MCC: variants seen among roughly 807,000 people sequenced by gnomAD.
MCC encodes colorectal mutant cancer protein.
A neutral mutation model predicts 116.2 loss-of-function variants in MCC; 90 were observed. The ratio of observed to expected loss-of-function variants is 0.77; its 90% CI spans 0.65 to 0.92. MCC has a LOEUF of 0.92. MCC is among the 40% of genes least tolerant of loss of function. The pLI, the probability that MCC is intolerant of heterozygous loss-of-function variation, is 0.00. For missense variants in MCC, 1,516 were observed against 1,312.2 expected (o/e 1.16, Z -2.40); for synonymous variants, 578 against 510.5 (o/e 1.13, Z -1.78).
intron 3 of MCC, among the ~76,000 whole-genome samples, chr5:113,293,270 C>T (rs1030703633): frequency 1.3e-5 from 2 of 152,034 alleles, no homozygotes; most frequent in African/African-American, 4.8e-5. Flanking sequence ...GGCTCCATCC[C>T]TGCATTTTTC....
intron 3 of MCC, among the ~76,000 whole-genome samples, chr5:113,203,608 G>A (rs1581248702): frequency 6.6e-6 from 1 of 152,054 alleles, no homozygotes; most frequent in African/African-American, 2.4e-5. Context: ...TGATTATTTC[G>A]CTTCCAAAGT....
chr5:113,229,079 T>G (rs972292489), intron 3 of MCC, among the ~76,000 whole-genome samples: 1 of 152,140 alleles, frequency 6.6e-6, no homozygotes, highest in African/African-American at 2.4e-5. Flanking sequence ...AGTATGGACT[T>G]AGAGGTCAGT....
At chr5:113,051,461 G>T (rs893915014) in intron 15 of MCC, among the ~76,000 whole-genome samples, 1 of 152,256 alleles carries the variant, frequency 6.6e-6, no homozygotes, top group African/African-American at 2.4e-5. Flanking sequence ...CCTCACATCT[G>T]TAATCCCAGC....
At chr5:113,053,294 G>A (rs145084862) in intron 15 of MCC, among the ~76,000 whole-genome samples, 3 of 152,218 alleles carry the variant, frequency 2.0e-5, no homozygotes, top group Admixed American at 2.0e-4. Flanking sequence ...AAAGGTACAG[G>A]GTGTCAGGAA....
At chr5:113,393,586 A>G (rs1237234501) in intron 1 of MCC, among the ~76,000 whole-genome samples, 1 of 152,192 alleles carries the variant, frequency 6.6e-6, no homozygotes, top group East Asian at 1.9e-4. Flanking sequence ...AGTTTTCTCA[A>G]CATCCTTCGA....
intron 3 of MCC, among the ~76,000 whole-genome samples, chr5:113,285,488 C>T (rs763883563): frequency 1.1e-4 from 16 of 152,028 alleles, no homozygotes; most frequent in Non-Finnish European, 1.9e-4. Context: ...TTTCTTGGAC[C>T]TCATCTCCTT....
intron 8 of MCC, among the ~76,000 whole-genome samples, chr5:113,097,379 T>A (rs1756090644): frequency 6.6e-6 from 1 of 152,222 alleles, no homozygotes; most frequent in African/African-American, 2.4e-5. Context: ...ATTAAAAACA[T>A]AAATTAGAAC....
intron 3 of MCC, among the ~76,000 whole-genome samples, chr5:113,240,211 G>C (rs1367573855): frequency 3.9e-5 from 6 of 152,186 alleles, no homozygotes; most frequent in East Asian, 1.9e-4. Flanking sequence ...CAGCAGAGTA[G>C]TTGGCCCGGT....
At chr5:113,465,259 C>T (rs1004367907) in intron 1 of MCC, among the ~76,000 whole-genome samples, 1 of 151,000 alleles carries the variant, frequency 6.6e-6, no homozygotes, top group East Asian at 1.9e-4. Context: ...GTTGTACACA[C>T]ATTAAATTAT....
Position 113,203,643 on chromosome 5 carries a change from A to ACATTCAAC in MCC, c.628-52229_628-52222dup, listed in dbSNP as rs1755182361. ...TTTGTGGCTTTAACAAAGCAAACCCACATTCAACCACTCAACCAGGCGCCG... is the reference window on the plus strand; with the variant it reads ...TTTGTGGCTTTAACAAAGCAAACCCACATTCAACCATTCAACCACTCAACCAGGCGCCG... On this transcript the variant is annotated intron_variant, in intron 3 of 18. Coordinates refer to ENST00000408903, the MANE Select transcript of MCC (RefSeq NM_001085377.2). Among the ~76,000 whole-genome samples the ACATTCAAC allele has an allele frequency of 4.6e-5, 7 of 152,332 alleles. No homozygotes were observed. The South Asian group carries it at 1.5e-3, about 32-fold the overall frequency.
intron 2 of MCC, among the ~76,000 whole-genome samples, chr5:113,344,266 T>C (rs1768081983): frequency 6.6e-6 from 1 of 152,152 alleles, no homozygotes; most frequent in Non-Finnish European, 1.5e-5. Flanking sequence ...GAATTGCCCA[T>C]CCCAGCAGTC....
intron 3 of MCC, among the ~76,000 whole-genome samples, chr5:113,222,928 G>A (rs994871803): frequency 7.9e-5 from 12 of 152,202 alleles, no homozygotes; most frequent in African/African-American, 2.9e-4. Context: ...GAGCCAATCA[G>A]AGATTACAAA....
chr5:113,177,479 A>G (rs1019758734), intron 3 of MCC, among the ~76,000 whole-genome samples: 1 of 152,268 alleles, frequency 6.6e-6, no homozygotes, highest in South Asian at 2.1e-4. Flanking sequence ...TCTCAGGTAC[A>G]TAACCATGGA....
intron 3 of MCC, among the ~76,000 whole-genome samples, chr5:113,185,141 G>C (rs78547914): frequency 0.055 from 8,444 of 152,172 alleles, 276 homozygotes; most frequent in African/African-American, 0.069. Flanking sequence ...AAGAGAGAGT[G>C]GGCATAAGGG....
At chr5:113,431,764 G>GT (rs1554083094) in intron 1 of MCC, among the ~76,000 whole-genome samples, 3 of 19,274 alleles carry the variant, frequency 1.6e-4, no homozygotes, top group Non-Finnish European at 3.8e-4. Flanking sequence ...GGGAGGCCAA[G>GT]GGGGGGGGGG....
Position 113,434,373 on chromosome 5 carries a change from C to A in MCC, c.171-49161G>T, listed in dbSNP as rs769200502. ...ATCCCGCAGGCAGCGCTTGGAGAAG[C>A]TGAAGTCGGACAGCTTGATGTTGAA... On this transcript the variant is annotated intron_variant, in intron 1 of 18. Coordinates refer to ENST00000408903, the MANE Select transcript of MCC (RefSeq NM_001085377.2). This position sits in a 1 kb window ranked among gnomAD's most constrained non-coding sequence, Gnocchi z 4.2. 1 of 1,613,912 alleles carries A rather than the reference C, an allele frequency of 6.2e-7. No homozygotes were observed. The highest frequency in any genetic ancestry group is 8.5e-7 in the Non-Finnish European group (1 of 1,179,952).
At chr5:113,443,950 G>T (rs1192137961) in intron 1 of MCC, among the ~76,000 whole-genome samples, 4 of 151,806 alleles carry the variant, frequency 2.6e-5, no homozygotes, top group African/African-American at 7.3e-5. Flanking sequence ...AGCCTCCCAA[G>T]TAGCTGGGAT....
intron 17 of MCC, among the ~76,000 whole-genome samples, chr5:113,039,529 A>C (rs1751542537): frequency 1.3e-5 from 2 of 152,228 alleles, no homozygotes; most frequent in Admixed American, 6.5e-5. Context: ...CAGACCAGCC[A>C]CACAGCAGGT....
intron 14 of MCC, among the ~76,000 whole-genome samples, chr5:113,062,391 C>A (rs545449969): frequency 1.3e-5 from 2 of 152,214 alleles, no homozygotes; most frequent in South Asian, 4.1e-4. Context: ...CTGACTGGTT[C>A]TAAATTTGTC....
Sources: allele counts gnomAD v4.1 joint callset (sites outside exome capture counted in the v4.1 genomes callset), GRCh38; gene constraint gnomAD v4.1.1; non-coding constraint Gnocchi (gnomAD v3.1); transcripts MANE v1.5; gene names NCBI Gene and HGNC (gene_info 2026-07-23, HGNC 2026-07-21).